Variants in CACNA1E observed in about 807,000 individuals in gnomAD.
CACNA1E encodes the protein voltage-dependent R-type calcium channel subunit alpha-1E.
A neutral mutation model predicts 259.2 loss-of-function variants in CACNA1E; 40 were observed. The ratio of observed to expected loss-of-function variants is 0.15; its 90% CI spans 0.12 to 0.20. The LOEUF (loss-of-function observed/expected upper bound fraction) is 0.20. Among genes scored for constraint, CACNA1E ranks in the 10% least tolerant of loss-of-function variants. The pLI is 1.00. For missense variants in CACNA1E, 1,874 were observed against 3,040.1 expected, an observed-to-expected ratio of 0.62 and a Z score of 9.02; for synonymous variants, 1,104 against 1,138.5, an observed-to-expected ratio of 0.97 and a Z score of 0.61.
At chr1:181,781,651 C>T (rs527476076) in intron 39 of CACNA1E, 128 bp downstream of exon 39, 20 of 666,962 alleles carry the variant, frequency 3.0e-5, no homozygotes, top group South Asian at 1.8e-4. Flanking sequence ...AGGAAAGGCA[C>T]GATGAGACTG....
chr1:181,503,584 A>G (rs1474274958), intron 1 of CACNA1E, among the ~76,000 whole-genome samples: 1 of 151,944 alleles, frequency 6.6e-6, no homozygotes, highest in Non-Finnish European at 1.5e-5. Context: ...CAGCCAGCCC[A>G]CTCCTGAGGG....
chr1:181,643,982 G>A (rs1158463830), intron 6 of CACNA1E, among the ~76,000 whole-genome samples: 4 of 152,172 alleles, frequency 2.6e-5, no homozygotes, highest in Non-Finnish European at 5.9e-5. Flanking sequence ...GAAACGCCCT[G>A]CTCCTGGGCC....
intron 3 of CACNA1E, among the ~76,000 whole-genome samples, chr1:181,528,046 C>T (rs1453061650): frequency 6.6e-6 from 1 of 152,020 alleles, no homozygotes; most frequent in Non-Finnish European, 1.5e-5. Flanking sequence ...TCATTTTACT[C>T]CCCATCTTTC....
intron 6 of CACNA1E, among the ~76,000 whole-genome samples, chr1:181,582,590 A>G (rs1651648584): frequency 6.6e-6 from 1 of 152,260 alleles, no homozygotes; most frequent in African/African-American, 2.4e-5. Context: ...CAAGATTCAG[A>G]TGGTACTGAG....
chr1:181,549,709 G>A (rs984045850), intron 3 of CACNA1E, among the ~76,000 whole-genome samples: 2 of 152,198 alleles, frequency 1.3e-5, no homozygotes, highest in Admixed American at 1.3e-4. Context: ...GAAGGAGGTT[G>A]TCAGCAGTGG....
At chr1:181,783,453 C>G (rs1197799007) in intron 39 of CACNA1E, among the ~76,000 whole-genome samples, 1 of 152,042 alleles carries the variant, frequency 6.6e-6, no homozygotes, top group Admixed American at 6.6e-5. Flanking sequence ...GCATCATTCC[C>G]TTGGTGGAGA....
chr1:181,488,098 A>C (rs1313860164), intron 1 of CACNA1E, among the ~76,000 whole-genome samples: 2 of 152,144 alleles, frequency 1.3e-5, no homozygotes. Flanking sequence ...ACTACTGTGA[A>C]TCTCCCATTG....
intron 2 of CACNA1E, among the ~76,000 whole-genome samples, chr1:181,465,275 T>C (rs1318206343): frequency 6.6e-6 from 1 of 152,172 alleles, no homozygotes; most frequent in Non-Finnish European, 1.5e-5. Context: ...TTTGGATCTT[T>C]TGATATTTCA....
intron 1 of CACNA1E, among the ~76,000 whole-genome samples, chr1:181,405,063 T>C (rs1657368781): frequency 6.6e-6 from 1 of 152,248 alleles, no homozygotes; most frequent in East Asian, 1.9e-4. Flanking sequence ...TTTGAAAGCC[T>C]GTGCTGCTGT....
At chr1:181,772,370 A>T in intron 37 of CACNA1E, 139 bp downstream of exon 37, 1 of 767,994 alleles carries the variant, frequency 1.3e-6, no homozygotes, top group Non-Finnish European at 2.1e-6. Flanking sequence ...CCCACCATGC[A>T]CACACTCACA....
intron 1 of CACNA1E, among the ~76,000 whole-genome samples, chr1:181,342,137 G>A (rs1211265888): frequency 6.6e-6 from 1 of 152,136 alleles, no homozygotes; most frequent in Non-Finnish European, 1.5e-5. Context: ...TGGCAGAAGA[G>A]CATTCTAGGC....
upstream of CACNA1E, among the ~76,000 whole-genome samples, chr1:181,482,911 G>A (rs992318897): frequency 3.9e-5 from 6 of 152,266 alleles, no homozygotes; most frequent in African/African-American, 1.2e-4. Flanking sequence ...AGCGCTCCGG[G>A]CGGATGCTGG....
At chr1:181,573,331 TC>T (rs1650608973) in intron 3 of CACNA1E, among the ~76,000 whole-genome samples, 1 of 152,214 alleles carries the variant, frequency 6.6e-6, no homozygotes, top group Admixed American at 6.5e-5. Context: ...TCTGTCTACT[TC>T]CACTAGACTG....
chr1:181,737,718 T>G, intron 23 of CACNA1E, 64 bp downstream of exon 23: 2 of 1,567,428 alleles, frequency 1.3e-6, no homozygotes, highest in Non-Finnish European at 1.7e-6. Context: ...ATCCCAGCAC[T>G]GGAGGTGAAC....
chr1:181,800,633 G>C lies in CACNA1E; in HGVS notation c.*1799G>C, dbSNP rs562142803. On this transcript the variant is annotated 3_prime_UTR_variant, in exon 48 of 48. Coordinates refer to ENST00000367573, the MANE Select transcript of CACNA1E (RefSeq NM_001205293.3). ...TGATCTGCCCTGCACTGAGCACTCA[G>C]TGGATAAACACTCCTCCAGCCCAGA... The C allele has an allele frequency of 2.0e-5, 3 of 152,736 alleles. No individual in the cohort carries two copies. In the South Asian group the frequency reaches 6.2e-4, roughly 32 times the overall value. The allele number at this position is 152,736 out of a possible 1,614,324, so 9.5% of individuals were successfully genotyped here. A position where few individuals can be genotyped will look rare whatever the true frequency, so the allele number is the denominator to read the frequency against.
chr1:181,579,959 T>G (rs1651362093), intron 5 of CACNA1E, among the ~76,000 whole-genome samples: 1 of 152,220 alleles, frequency 6.6e-6, no homozygotes, highest in Non-Finnish European at 1.5e-5. Context: ...CAACCCCAAA[T>G]TCTCATATCT....
chr1:181,373,599 G>A (rs1314485727), intron 1 of CACNA1E, among the ~76,000 whole-genome samples: 5 of 147,332 alleles, frequency 3.4e-5, no homozygotes, highest in South Asian at 4.3e-4. Context: ...GTGCAGTGGC[G>A]CAATCTCGGC....
intron 2 of CACNA1E, among the ~76,000 whole-genome samples, chr1:181,451,930 T>C (rs897169305): frequency 1.3e-5 from 2 of 152,186 alleles, no homozygotes; most frequent in African/African-American, 4.8e-5. Context: ...GTGCCAGAGA[T>C]GTCTGACAAG....
At chr1:181,511,144 G>A (rs756051447) in intron 2 of CACNA1E, among the ~76,000 whole-genome samples, 3 of 152,278 alleles carry the variant, frequency 2.0e-5, no homozygotes, top group Non-Finnish European at 1.5e-5. Flanking sequence ...GCCCCTGGGT[G>A]TGACCCTCAC....
Sources: gnomAD v4.1 joint callset for allele counts (sites outside exome capture counted in the v4.1 genomes callset) on GRCh38, gnomAD v4.1.1 for gene constraint, MANE v1.5 for transcripts, NCBI Gene and HGNC (gene_info 2026-07-23, HGNC 2026-07-21) for gene names.